The following KDM5A variants were observed in gnomAD, a reference collection of about 807,000 sequenced individuals.
KDM5A encodes lysine-specific demethylase 5A.
A neutral mutation model predicts 193.5 loss-of-function variants in KDM5A; 42 were observed. The ratio of observed to expected loss-of-function variants is 0.22; its 90% CI spans 0.17 to 0.28. KDM5A has a LOEUF of 0.28. Ranked by LOEUF, KDM5A falls within the 10% of genes least tolerant of loss-of-function variation. KDM5A has a pLI of 1.00. For synonymous variants in KDM5A, 796 were observed against 718.1 expected (o/e 1.11, Z -1.73); for missense variants, 1,692 against 2,055.1 (o/e 0.82, Z 3.42).
intron 7 of KDM5A, among the ~76,000 whole-genome samples, chr12:354,629 T>G (rs1411364215): frequency 2.6e-5 from 4 of 151,966 alleles, no homozygotes; most frequent in African/African-American, 9.7e-5. Context: ...TAGCCAGGCA[T>G]GGTGGCAGGT....
In KDM5A at chr12:354,071, T is replaced by C. The variant is rs1944198030; in HGVS notation, c.1029+5A>G. 1 of 1,612,644 alleles carries C rather than the reference T, an allele frequency of 6.2e-7. No homozygotes were observed. Among genetic ancestry groups the C allele is most frequent in the African/African-American group, 1.3e-5 (1 of 74,868 alleles). On this transcript the variant is annotated splice_donor_5th_base_variant and intron_variant, in intron 8 of 27. Coordinates refer to ENST00000399788, the MANE Select transcript of KDM5A (RefSeq NM_001042603.3). ...AAAAAGGATCCATAGAGGTTAGACG[T>C]GTACCTCGGCGACACATTTAGGACA...
rs750805527 is a variant in KDM5A at position 310,894 on chromosome 12, T to G, written c.3207A>C (p.Thr1069=). ...RTFLKKNSSH[T]LLQVLSPRTD... ...GTTGAAGTTCAAGTACCTGTAACAA[T>G]GTATGGCTAGAATTCTTCTTAAGAA... is the stretch of plus-strand genomic sequence containing the variant. The change falls in exon 21 of 28, where the codon ACA becomes ACC. Residue 1069 remains threonine, a synonymous_variant. Transcript: ENST00000399788. The G allele has an allele frequency of 6.2e-7, 1 of 1,614,200 alleles. No individual in the cohort carries two copies. The highest frequency in any genetic ancestry group is 1.1e-5 in the South Asian group (1 of 91,088).
intron 5 of KDM5A, among the ~76,000 whole-genome samples, chr12:357,539 C>T (rs1249877957): frequency 6.6e-6 from 1 of 151,378 alleles, no homozygotes; most frequent in Non-Finnish European, 1.5e-5. Flanking sequence ...AAGAATAAGT[C>T]CTTCTGGAGG....
intron 25 of KDM5A, 142 bp from the exon 26 acceptor site, chr12:295,935 T>C: frequency 1.4e-6 from 1 of 729,448 alleles, no homozygotes; most frequent in Non-Finnish European, 2.4e-6. Context: ...AGTATGAAAA[T>C]GTAAACAGAA....
Position 292,750 on chromosome 12 carries a change from G to A in KDM5A, c.4866+9C>T. On this transcript the variant is annotated intron_variant, in intron 27 of 27. Transcript: ENST00000399788. ...CTCTCATGCTTGACTATAAACAGTT[G>A]GAACTCACCTTGTCCTTGCAGGGCC... The A allele has an allele frequency of 1.2e-6, 2 of 1,614,080 alleles. No individual in the cohort carries two copies. Among genetic ancestry groups the A allele is most frequent in the South Asian group, 1.1e-5 (1 of 91,072 alleles).
intron 10 of KDM5A, among the ~76,000 whole-genome samples, chr12:350,221 G>A (rs1326058782): frequency 1.3e-5 from 2 of 152,030 alleles, no homozygotes; most frequent in Admixed American, 6.6e-5. Flanking sequence ...CAGATCACCT[G>A]AGGTCAGGAG....
At chr12:345,735 C>T (rs1228753201) in intron 10 of KDM5A, among the ~76,000 whole-genome samples, 4 of 152,146 alleles carry the variant, frequency 2.6e-5, no homozygotes, top group Non-Finnish European at 5.9e-5. Context: ...AAAAACACAA[C>T]ATACCAGAAT....
chr12:369,955 G>C lies in KDM5A; in HGVS notation c.367-3851C>G, dbSNP rs529431772. On this transcript the variant is annotated intron_variant, in intron 3 of 27. Coordinates refer to ENST00000399788, the MANE Select transcript of KDM5A (RefSeq NM_001042603.3). ...CAGCCAGGATACGGCCATGACAAAG[G>C]AATAAACTATCTCACAAAGAAAACA... 2.6e-5 allele frequency among the ~76,000 whole-genome samples: 4 copies of C among 152,282 alleles called. No individual in the cohort carries two copies. In the South Asian group the frequency reaches 8.3e-4, roughly 32 times the overall value.
At chr12:354,262 T>C (rs1300737600) in intron 7 of KDM5A, 28 bp from the exon 8 acceptor site, 3 of 1,483,136 alleles carry the variant, frequency 2.0e-6, no homozygotes, top group African/African-American at 2.8e-5. Flanking sequence ...AATGAAAGTC[T>C]ATTTTCTATA....
intron 3 of KDM5A, among the ~76,000 whole-genome samples, chr12:370,295 AG>A (rs1944410395): frequency 1.3e-5 from 2 of 152,228 alleles, no homozygotes; most frequent in Non-Finnish European, 2.9e-5. Context: ...TGGGAGGCTG[AG>A]GCAGGAGAAT....
chr12:293,263 G>C (rs940444856), intron 26 of KDM5A, 94 bp from the exon 27 acceptor site: 2 of 1,095,574 alleles, frequency 1.8e-6, no homozygotes, highest in Admixed American at 2.5e-5. Flanking sequence ...AGACACATTC[G>C]GAGAGACAGA....
intron 27 of KDM5A, among the ~76,000 whole-genome samples, chr12:287,718 AAC>A (rs1943237925): frequency 6.6e-6 from 1 of 152,166 alleles, no homozygotes; most frequent in African/African-American, 2.4e-5. Context: ...CCTGTGAACC[AAC>A]AGTTACCTTC....
chr12:318,039 T>C, intron 19 of KDM5A, 67 bp downstream of exon 19: 1 of 1,189,856 alleles, frequency 8.4e-7, no homozygotes, highest in Non-Finnish European at 1.2e-6. Context: ...AGCTTTTAAG[T>C]TCCTTCTTCC....
At chr12:373,558 GT>G (rs1229898339) in intron 3 of KDM5A, among the ~76,000 whole-genome samples, 2 of 152,076 alleles carry the variant, frequency 1.3e-5, no homozygotes, top group African/African-American at 4.8e-5. Context: ...TTTTTGAAGG[GT>G]TTTTTGTGTC....
chr12:295,421 A>G, intron 26 of KDM5A, 152 bp downstream of exon 26: 1 of 724,834 alleles, frequency 1.4e-6, no homozygotes, highest in Admixed American at 1.9e-5. Flanking sequence ...CAAGCCAGCA[A>G]GCCATAAAGC....
chr12:384,288 G>A (rs1174072230), intron 2 of KDM5A, 135 bp from the exon 3 acceptor site: 2 of 703,410 alleles, frequency 2.8e-6, no homozygotes, highest in Non-Finnish European at 5.1e-6. Context: ...CACAGCAGGA[G>A]GTGAGCAGCG....
At chr12:375,517 C>T (rs923370969) in intron 3 of KDM5A, among the ~76,000 whole-genome samples, 8 of 152,312 alleles carry the variant, frequency 5.3e-5, no homozygotes, top group African/African-American at 1.4e-4. Flanking sequence ...GCGATGGGTT[C>T]GAACTTCCTC....
chr12:318,050 C>T, intron 19 of KDM5A, 56 bp downstream of exon 19: 3 of 1,294,934 alleles, frequency 2.3e-6, no homozygotes, highest in Non-Finnish European at 3.4e-6. Context: ...TCCTTCTTCC[C>T]ACTCTACCTT....
In KDM5A at chr12:307,482, T is replaced by C. The variant is rs759462611; in HGVS notation, c.3902A>G (p.Gln1301Arg). ...TAAGTCTGGATTGGCAGCTGCTTTT[T>C]GGAGTTCTGCACTGATGATCTTTTC... ...KTEKIISAEL[Q>R]KAAANPDLQG... The change falls in exon 23 of 28, where the codon CAA becomes CGA. Residue 1301 changes from glutamine to arginine, a missense_variant. Gln to Arg is a conservative substitution (Grantham distance 43). Around this residue, in one of 11 missense-constraint regions of KDM5A, gnomAD observed 965 missense variants for 1,061.0 expected, o/e 0.91. Coordinates refer to ENST00000399788, the MANE Select transcript of KDM5A (RefSeq NM_001042603.3). This position sits in a 1 kb window ranked among gnomAD's most constrained non-coding sequence, Gnocchi z 4.3. The C allele has an allele frequency of 6.2e-7, 1 of 1,613,452 alleles. No individual in the cohort carries two copies. Among genetic ancestry groups the C allele is most frequent in the Admixed American group, 1.7e-5 (1 of 60,028 alleles).
Sources: allele counts gnomAD v4.1 joint callset (sites outside exome capture counted in the v4.1 genomes callset), GRCh38; gene constraint gnomAD v4.1.1; regional missense constraint gnomAD v4.1.1; non-coding constraint Gnocchi (gnomAD v3.1); transcripts MANE v1.5; gene names NCBI Gene and HGNC (gene_info 2026-07-23, HGNC 2026-07-21).